CLIC2: variants seen among roughly 807,000 people sequenced by gnomAD.
CLIC2 encodes the protein CLIC family member 2, also known as chloride intracellular channel protein 2.
A neutral mutation model predicts 14.8 loss-of-function variants in CLIC2; 9 were observed. The ratio of observed to expected loss-of-function variants is 0.61; its 90% CI spans 0.37 to 1.06. CLIC2 has a LOEUF of 1.06. Ranked by LOEUF, CLIC2 falls within the 50% of genes least tolerant of loss-of-function variation. The pLI, the probability that CLIC2 is intolerant of heterozygous loss-of-function variation, is 0.01. For missense variants in CLIC2, 148 were observed against 181.4 expected (o/e 0.82, Z 1.06); for synonymous variants, 61 against 66.3 (o/e 0.92, Z 0.39).
chrX:155,292,891 G>C, intron 3 of CLIC2: 1 of 997,431 alleles, frequency 1.0e-6, no homozygotes, highest in African/African-American at 1.9e-5. Context: ...CGTTATCCAG[G>C]TGCCTCAAGG....
At chrX:155,290,595 G>A in intron 3 of CLIC2, 2 of 663,121 alleles carry the variant, frequency 3.0e-6, no homozygotes, top group Non-Finnish European at 2.5e-6. Context: ...TATACTGCAT[G>A]TGTATCTGGG....
At chrX:155,293,416 C>G (rs917085058) in intron 3 of CLIC2, 2 of 733,297 alleles carry the variant, frequency 2.7e-6, no homozygotes, top group African/African-American at 2.1e-5. Context: ...TAGTGGCCAT[C>G]CTTCTTGCCT....
At chrX:155,292,335 G>A (rs1557317718) in intron 3 of CLIC2, 2 of 563,003 alleles carry the variant, frequency 3.6e-6, no homozygotes, top group Non-Finnish European at 3.3e-6. Context: ...CAGTGATGAA[G>A]TGATTGTTTT....
At chrX:155,278,811 C>T (rs1395913863) in intron 5 of CLIC2, 1 of 184,052 alleles carries the variant, frequency 5.4e-6, no homozygotes, top group Non-Finnish European at 1.0e-5. Flanking sequence ...TGGCACGCAC[C>T]TGTAGTCCCA....
chrX:155,314,101 C>T (rs1032262498), intron 1 of CLIC2, among the ~76,000 whole-genome samples: 2 of 110,858 alleles, frequency 1.8e-5, no homozygotes, highest in African/African-American at 6.6e-5. Flanking sequence ...CTTTCTCTAC[C>T]CACCCTGGTT....
chrX:155,290,040 C>T (rs782097099), intron 3 of CLIC2, among the ~76,000 whole-genome samples: 78 of 111,792 alleles, frequency 7.0e-4, no homozygotes, highest in Non-Finnish European at 1.1e-3. Context: ...GTTTATCCTT[C>T]GAGACATCAG....
intron 1 of CLIC2, among the ~76,000 whole-genome samples, chrX:155,327,039 T>C (rs2075141044): frequency 9.0e-6 from 1 of 111,194 alleles, no homozygotes; most frequent in South Asian, 3.7e-4. Context: ...TTTCTTATCA[T>C]ACTATAGTTT....
At chrX:155,324,306 C>CAAAA (rs2075128219) in intron 1 of CLIC2, among the ~76,000 whole-genome samples, 1 of 48,964 alleles carries the variant, frequency 2.0e-5, no homozygotes, top group Non-Finnish European at 5.3e-5. Context: ...AAACAAAAAA[C>CAAAA]AAAAACAAAC....
intron 1 of CLIC2, among the ~76,000 whole-genome samples, 184 bp from the exon 2 acceptor site, chrX:155,299,329 G>C (rs2075006396): frequency 9.1e-6 from 1 of 110,007 alleles, no homozygotes; most frequent in Non-Finnish European, 1.9e-5. Flanking sequence ...AGTTACAACT[G>C]TGATGGGTAC....
At chrX:155,292,580 C>A (rs187985393) in intron 3 of CLIC2, 20,046 of 372,609 alleles carry the variant, frequency 0.054, 554 homozygotes, top group Non-Finnish European at 0.074. Context: ...ACCATCCTGG[C>A]TAACACGGTG....
At chrX:155,304,296 C>G (rs1189958647) in intron 1 of CLIC2, among the ~76,000 whole-genome samples, 8 of 99,149 alleles carry the variant, frequency 8.1e-5, no homozygotes, top group Non-Finnish European at 1.2e-4. Flanking sequence ...ATTCTTTTTT[C>G]TCTAAACTTC....
At chrX:155,310,054 A>G (rs782719189) in intron 1 of CLIC2, among the ~76,000 whole-genome samples, 4 of 112,296 alleles carry the variant, frequency 3.6e-5, no homozygotes, top group Non-Finnish European at 5.6e-5. Context: ...ATGGAGGGGT[A>G]CAGACATTGG....
At chrX:155,319,908 G>A (rs2075108069) in intron 1 of CLIC2, among the ~76,000 whole-genome samples, 1 of 111,988 alleles carries the variant, frequency 8.9e-6, no homozygotes, top group Admixed American at 9.4e-5. Flanking sequence ...GCTTGAGTAA[G>A]CTCTTTTCCC....
At chrX:155,329,616 A>G (rs782092538) in intron 1 of CLIC2, among the ~76,000 whole-genome samples, 2 of 109,100 alleles carry the variant, frequency 1.8e-5, no homozygotes, top group African/African-American at 6.6e-5. Flanking sequence ...ACCACTATGG[A>G]GAACAGTTTG....
At chrX:155,306,250 T>C (rs1557320009) in intron 1 of CLIC2, among the ~76,000 whole-genome samples, 1 of 111,201 alleles carries the variant, frequency 9.0e-6, no homozygotes, top group Admixed American at 9.6e-5. Context: ...AATAAGTTTG[T>C]TCCTGCTCAG....
intron 1 of CLIC2, among the ~76,000 whole-genome samples, chrX:155,305,945 A>G (rs180896109): frequency 1.3e-3 from 147 of 112,117 alleles, no homozygotes; most frequent in African/African-American, 4.3e-3. Flanking sequence ...AGGATTTTCT[A>G]TCACGTTTTC....
At chrX:155,291,656 G>A (rs1157202088) in intron 3 of CLIC2, among the ~76,000 whole-genome samples, 1 of 111,659 alleles carries the variant, frequency 9.0e-6, no homozygotes, top group Non-Finnish European at 1.9e-5. Context: ...AAAATCAGAC[G>A]GATTTGACAA....
Position 155,284,231 on chromosome X carries a change from A to G in CLIC2, c.294-4163T>C, listed in dbSNP as rs937712752. 5.8e-5 allele frequency among the ~76,000 whole-genome samples: 6 copies of G among 103,686 alleles called. No individual in the cohort carries two copies. In the Admixed American group the frequency reaches 6.6e-4, roughly 11 times the overall value. 90.0% of individuals were successfully genotyped at this position (103,686 alleles called of 115,157 possible). ...TTATTTCCCTAAGCATCCCCCAAGT[A>G]TCTCAGCCTCTTTCTCCCTGGGATT... On this transcript the variant is annotated intron_variant, in intron 3 of 5. Transcript: ENST00000369449.
intron 1 of CLIC2, among the ~76,000 whole-genome samples, chrX:155,321,249 A>G (rs1557321604): frequency 1.8e-5 from 2 of 111,453 alleles, no homozygotes; most frequent in African/African-American, 6.5e-5. Flanking sequence ...AGCAACCCCA[A>G]GACACATAAT....
Sources: gnomAD v4.1 joint callset for allele counts (sites outside exome capture counted in the v4.1 genomes callset) on GRCh38, gnomAD v4.1.1 for gene constraint, MANE v1.5 for transcripts, NCBI Gene and HGNC (gene_info 2026-07-23, HGNC 2026-07-21) for gene names.